Variants in EXT2 observed in about 807,000 individuals in gnomAD.
EXT2 encodes the protein exostosin-2.
In EXT2, 53 loss-of-function variants were observed where a neutral mutation model predicts 81.6. The ratio of observed to expected loss-of-function variants is 0.65; its 90% CI spans 0.52 to 0.82. The LOEUF is 0.82. Ranked by LOEUF, EXT2 falls within the 40% of genes least tolerant of loss-of-function variation. EXT2 has a pLI of 0.00. For synonymous variants in EXT2, 320 were observed against 340.0 expected (o/e 0.94, Z 0.65); for missense variants, 774 against 910.2 (o/e 0.85, Z 1.93).
chr11:44,236,749 GA>G (rs1251773413), intron 13 of EXT2, among the ~76,000 whole-genome samples: 5 of 152,140 alleles, frequency 3.3e-5, no homozygotes, highest in African/African-American at 1.2e-4. Context: ...AGCTTGATTA[GA>G]AAGAATTAAA....
intron 7 of EXT2, among the ~76,000 whole-genome samples, chr11:44,161,886 A>C (rs1020026900): frequency 1.3e-5 from 2 of 152,204 alleles, no homozygotes; most frequent in Non-Finnish European, 1.5e-5. Context: ...CATCGGATAA[A>C]CCCAAATTGA....
intron 8 of EXT2, among the ~76,000 whole-genome samples, chr11:44,179,737 TA>T (rs1275403889): frequency 3.3e-5 from 5 of 152,248 alleles, no homozygotes; most frequent in African/African-American, 1.2e-4. Flanking sequence ...CTGTCCTTTT[TA>T]TGTGTCTCCC....
intron 6 of EXT2, among the ~76,000 whole-genome samples, chr11:44,128,954 G>A (rs144223670): frequency 6.6e-6 from 1 of 152,322 alleles, no homozygotes; most frequent in African/African-American, 2.4e-5. Flanking sequence ...TAATGGACTA[G>A]CCTAGTTGGC....
intron 1 of EXT2, chr11:44,103,682 T>G: frequency 2.2e-6 from 1 of 456,114 alleles, no homozygotes; most frequent in Admixed American, 2.7e-5. Context: ...TTTAAACTTT[T>G]GATTCAGTGT....
intron 4 of EXT2, among the ~76,000 whole-genome samples, chr11:44,115,292 T>G (rs1053857181): frequency 5.3e-5 from 8 of 152,208 alleles, no homozygotes; most frequent in African/African-American, 1.9e-4. Flanking sequence ...TGGGCTCAAG[T>G]GACCCTCCTG....
intron 8 of EXT2, among the ~76,000 whole-genome samples, chr11:44,183,059 T>C (rs536949019): frequency 1.2e-4 from 18 of 152,324 alleles, no homozygotes; most frequent in African/African-American, 4.1e-4. Context: ...GTCTGATGCT[T>C]TTGCATGATG....
chr11:44,230,562 G>A (rs1955886578), intron 10 of EXT2, among the ~76,000 whole-genome samples: 1 of 152,162 alleles, frequency 6.6e-6, no homozygotes, highest in Admixed American at 6.5e-5. Context: ...ATCGAAAGGG[G>A]AAATTTAGAC....
intron 1 of EXT2, among the ~76,000 whole-genome samples, chr11:44,101,059 A>G (rs1953974315): frequency 6.6e-6 from 1 of 151,164 alleles, no homozygotes; most frequent in South Asian, 2.1e-4. Flanking sequence ...AAGGAGTTGC[A>G]GGACCTGGCT....
intron 10 of EXT2, among the ~76,000 whole-genome samples, chr11:44,231,790 AC>A (rs1246363255): frequency 1.3e-5 from 2 of 152,196 alleles, no homozygotes; most frequent in Non-Finnish European, 2.9e-5. Context: ...TTATGTAAGG[AC>A]CTTTCCAGAT....
chr11:44,177,322 T>A (rs767505214), intron 8 of EXT2, among the ~76,000 whole-genome samples: 11 of 152,234 alleles, frequency 7.2e-5, no homozygotes, highest in Non-Finnish European at 1.0e-4. Context: ...TTTTTGCAAA[T>A]ATCAGCAAAG....
intron 1 of EXT2, chr11:44,104,680 C>T (rs1954029910): frequency 6.6e-6 from 1 of 152,218 alleles, no homozygotes; most frequent in Admixed American, 6.5e-5. Flanking sequence ...GAAGTTCTAA[C>T]ATGGGCCAGC....
chr11:44,112,779 C>G (rs374957812), intron 3 of EXT2, among the ~76,000 whole-genome samples: 1 of 152,158 alleles, frequency 6.6e-6, no homozygotes, highest in Non-Finnish European at 1.5e-5. Context: ...TTTGGGGCCC[C>G]GGGGACAGAA....
chr11:44,235,225 CT>C (rs35214626), intron 12 of EXT2, among the ~76,000 whole-genome samples: 3,832 of 50,414 alleles, frequency 0.076, 8 homozygotes, highest in South Asian at 0.087. Flanking sequence ...CCCAAATTTG[CT>C]TTTTTTTTTT....
At chr11:44,127,893 T>C (rs1954432533) in intron 6 of EXT2, among the ~76,000 whole-genome samples, 1 of 152,236 alleles carries the variant, frequency 6.6e-6, no homozygotes, top group Admixed American at 6.5e-5. Flanking sequence ...ATGGACCCAG[T>C]TCCATTCTAC....
At chr11:44,158,523 A>G (rs536130370) in intron 7 of EXT2, among the ~76,000 whole-genome samples, 66 of 151,932 alleles carry the variant, frequency 4.3e-4, no homozygotes, top group Middle Eastern at 3.4e-3. Flanking sequence ...GTAAGAATTG[A>G]AAATTTTTAA....
chr11:44,247,173 A>G lies in EXT2; in HGVS notation c.*2886A>G, dbSNP rs1353170704. Among the ~76,000 whole-genome samples, 9 of 152,212 alleles carry G rather than the reference A, an allele frequency of 5.9e-5. No homozygotes were observed. Among genetic ancestry groups the G allele is most frequent in the Non-Finnish European group, 2.9e-5 (2 of 68,038 alleles). Reference sequence around the variant, plus strand: ...ATAAACCTCCTTTTCTGGGAGAATTAAAGAGAAAAACAGCAACTTTAGTTG... The same window carrying G: ...ATAAACCTCCTTTTCTGGGAGAATTGAAGAGAAAAACAGCAACTTTAGTTG... On this transcript the variant is annotated 3_prime_UTR_variant, in exon 14 of 14. Transcript: ENST00000533608.
intron 8 of EXT2, among the ~76,000 whole-genome samples, chr11:44,175,329 C>A (rs1205878260): frequency 6.6e-6 from 1 of 151,812 alleles, no homozygotes; most frequent in Non-Finnish European, 1.5e-5. Context: ...GGCGTCCAAA[C>A]TCAGTCTAAC....
chr11:44,154,913 G>A (rs1954837984), intron 7 of EXT2, among the ~76,000 whole-genome samples: 1 of 151,724 alleles, frequency 6.6e-6, no homozygotes, highest in African/African-American at 2.4e-5. Flanking sequence ...ACCTTTTCAG[G>A]TCTTGTAACA....
rs965339591 is a variant in EXT2, at chr11:44,250,915, A to G, written c.*6628A>G. Among the ~76,000 whole-genome samples the G allele has an allele frequency of 6.6e-6, 1 of 152,328 alleles. No individual in the cohort carries two copies. Among genetic ancestry groups the G allele is most frequent in the South Asian group, 2.1e-4 (1 of 4,826 alleles). On this transcript the variant is annotated 3_prime_UTR_variant, in exon 14 of 14. Coordinates refer to ENST00000533608, the MANE Select transcript of EXT2 (RefSeq NM_207122.2). ...TCTCATTAAGGGGATAACAGCCACA[A>G]TTGAGGTAATTAACGAAAATTGTAC...
Sources: allele counts gnomAD v4.1 joint callset (sites outside exome capture counted in the v4.1 genomes callset), GRCh38; gene constraint gnomAD v4.1.1; transcripts MANE v1.5; gene names NCBI Gene and HGNC (gene_info 2026-07-23, HGNC 2026-07-21).